The following NRG1 variants were observed in gnomAD, a reference collection of about 807,000 sequenced individuals.
NRG1 encodes neuregulin 1.
Under a neutral mutation model 63.8 loss-of-function variants are expected in NRG1, and 18 were observed. The ratio of observed to expected loss-of-function variants is 0.28; its 90% confidence interval spans 0.19 to 0.42. The LOEUF (loss-of-function observed/expected upper bound fraction) is 0.42, where lower values mean the gene tolerates loss of function less well. Among genes scored for constraint, NRG1 ranks in the 10% least tolerant of loss-of-function variants. The pLI is 1.00. For missense variants in NRG1, 762 were observed against 814.7 expected (o/e 0.94, Z 0.79); for synonymous variants, 302 against 301.3 (o/e 1.00, Z -0.02).
chr8:32,763,715 C>T (rs746058631), intron 11 of NRG1, 33 bp from the exon 12 acceptor site: 1 of 1,516,302 alleles, frequency 6.6e-7, no homozygotes, highest in Non-Finnish European at 8.8e-7. Context: ...CTTATTGCAC[C>T]ACACTTATGC....
chr8:32,299,422 GAC>G (rs1300619506), intron 1 of NRG1, among the ~76,000 whole-genome samples: 2 of 152,110 alleles, frequency 1.3e-5, no homozygotes, highest in African/African-American at 2.4e-5. Context: ...TATTTGTAAA[GAC>G]ACACATTCTA....
At chr8:32,292,613 G>A (rs796264637) in intron 1 of NRG1, among the ~76,000 whole-genome samples, 14 of 151,890 alleles carry the variant, frequency 9.2e-5, no homozygotes, top group African/African-American at 3.1e-4. Flanking sequence ...TTTCTAATTC[G>A]CAGTAGCAGT....
intron 7 of NRG1, among the ~76,000 whole-genome samples, chr8:32,750,783 C>A (rs1323393996): frequency 2.0e-5 from 3 of 151,040 alleles, no homozygotes; most frequent in Non-Finnish European, 4.4e-5. Context: ...CGTGAATGGG[C>A]CTTTGTGCCT....
chr8:31,932,501 C>T (rs1834950654), intron 1 of NRG1, among the ~76,000 whole-genome samples: 1 of 152,170 alleles, frequency 6.6e-6, no homozygotes, highest in Non-Finnish European at 1.5e-5. Flanking sequence ...AGGATTGAAA[C>T]ATTCCTACTT....
At chr8:32,734,442 G>A (rs1824500839) in intron 6 of NRG1, among the ~76,000 whole-genome samples, 1 of 152,140 alleles carries the variant, frequency 6.6e-6, no homozygotes, top group South Asian at 2.1e-4. Flanking sequence ...TGTAGTATTT[G>A]TTGTATTTGT....
At chr8:31,725,914 A>G (rs1206545148) in intron 1 of NRG1, among the ~76,000 whole-genome samples, 1 of 152,162 alleles carries the variant, frequency 6.6e-6, no homozygotes, top group Non-Finnish European at 1.5e-5. Flanking sequence ...TGAAGAAAAG[A>G]AATGACTAAT....
chr8:32,693,539 T>C (rs995940571), intron 5 of NRG1, among the ~76,000 whole-genome samples: 4 of 148,776 alleles, frequency 2.7e-5, no homozygotes, highest in Non-Finnish European at 5.9e-5. Flanking sequence ...TTTAAGTGAA[T>C]ATTTTCATTT....
chr8:32,383,306 G>GA (rs1378434189), intron 1 of NRG1, among the ~76,000 whole-genome samples: 2 of 152,030 alleles, frequency 1.3e-5, no homozygotes, highest in African/African-American at 4.8e-5. Flanking sequence ...CAATGAGAGT[G>GA]AAATCACATG....
intron 1 of NRG1, among the ~76,000 whole-genome samples, chr8:32,222,745 T>C (rs550020243): frequency 8.8e-4 from 134 of 152,306 alleles, no homozygotes; most frequent in Non-Finnish European, 1.5e-3. Context: ...AGGAGTTCTA[T>C]CTGCCATCAC....
intron 1 of NRG1, among the ~76,000 whole-genome samples, chr8:32,019,840 C>T (rs1319288838): frequency 6.6e-6 from 1 of 152,138 alleles, no homozygotes; most frequent in Non-Finnish European, 1.5e-5. Flanking sequence ...TATCATAAAC[C>T]ATATACCTGT....
chr8:32,771,706 T>TA (rs36131405), downstream of NRG1, among the ~76,000 whole-genome samples: 415 of 80,240 alleles, frequency 5.2e-3, 10 homozygotes, highest in East Asian at 0.084. Context: ...TCCATTTCTT[T>TA]AAAAAAAAAA....
intron 1 of NRG1, among the ~76,000 whole-genome samples, chr8:32,143,082 G>C (rs1396691833): frequency 6.6e-6 from 1 of 152,176 alleles, no homozygotes; most frequent in East Asian, 1.9e-4. Context: ...ATGTCAGTCA[G>C]CAGCTGAAGT....
intron 1 of NRG1, among the ~76,000 whole-genome samples, chr8:32,582,209 C>T (rs1490446871): frequency 6.6e-6 from 1 of 151,458 alleles, no homozygotes; most frequent in Non-Finnish European, 1.5e-5. Flanking sequence ...GTGCTCTGCC[C>T]ATCTCAGCCT....
intron 1 of NRG1, among the ~76,000 whole-genome samples, chr8:31,860,963 A>C (rs1260371085): frequency 6.6e-6 from 1 of 152,168 alleles, no homozygotes; most frequent in Admixed American, 6.5e-5. Context: ...AGATTCAGAG[A>C]GGTTAAATGA....
intron 1 of NRG1, among the ~76,000 whole-genome samples, chr8:31,873,792 T>C (rs1470623395): frequency 1.3e-5 from 2 of 152,168 alleles, no homozygotes; most frequent in Non-Finnish European, 2.9e-5. Context: ...GCAGAGGAAT[T>C]TGTGTGTTTT....
chr8:32,280,691 G>GTTTTTT (rs1174950316), intron 1 of NRG1, among the ~76,000 whole-genome samples: 4 of 57,624 alleles, frequency 6.9e-5, no homozygotes, highest in African/African-American at 1.7e-4. Flanking sequence ...TTTTTTTTTT[G>GTTTTTT]TTTTTTTTTT....
At chr8:32,462,321 C>T (rs912357422) in intron 1 of NRG1, among the ~76,000 whole-genome samples, 5 of 152,108 alleles carry the variant, frequency 3.3e-5, no homozygotes, top group Non-Finnish European at 7.4e-5. Context: ...GTTGTCTTAG[C>T]TGCTATTAGA....
rs1826671940 is a variant in NRG1, at chr8:32,742,830, C to G, written c.691+97C>G. The G allele has an allele frequency of 6.2e-7, 1 of 1,610,698 alleles. No homozygotes were observed. The highest frequency in any genetic ancestry group is 2.2e-5 in the East Asian group (1 of 44,766). On this transcript the variant is annotated intron_variant, in intron 7 of 11. Transcript: ENST00000356819. The surrounding 1 kb of genome is among the most constrained non-coding windows in gnomAD (Gnocchi z 4.2). ...ATCTCCCCTCAGATTCCACCTAGAGCTAGATGTGTCTTACCAGATCTAATA... is the reference window on the plus strand; with the variant it reads ...ATCTCCCCTCAGATTCCACCTAGAGGTAGATGTGTCTTACCAGATCTAATA...
intron 1 of NRG1, among the ~76,000 whole-genome samples, chr8:32,424,275 A>G (rs1439425714): frequency 6.6e-6 from 1 of 152,078 alleles, no homozygotes; most frequent in Admixed American, 6.5e-5. Context: ...ACATTGTAGG[A>G]CTAGTGTGAG....
Sources: allele counts gnomAD v4.1 joint callset (sites outside exome capture counted in the v4.1 genomes callset), GRCh38; gene constraint gnomAD v4.1.1; non-coding constraint Gnocchi (gnomAD v3.1); transcripts MANE v1.5; gene names NCBI Gene and HGNC (gene_info 2026-07-23, HGNC 2026-07-21).